Variants in HMGCLL1 observed in about 807,000 individuals in gnomAD.
The protein encoded by HMGCLL1 is 3-hydroxy-3-methylglutaryl-CoA lyase like 1.
Under a neutral mutation model 39.1 loss-of-function variants are expected in HMGCLL1, and 36 were observed. That is an observed-to-expected ratio of 0.92 (90% CI 0.71 to 1.22). HMGCLL1 has a LOEUF of 1.22. Ranked by LOEUF, HMGCLL1 falls within the 50% of genes most tolerant of loss-of-function variation. The pLI, the probability that HMGCLL1 is intolerant of heterozygous loss-of-function variation, is 0.00. For synonymous variants in HMGCLL1, 149 were observed against 144.0 expected, an observed-to-expected ratio of 1.03 and a Z score of -0.25; for missense variants, 451 against 416.5, an observed-to-expected ratio of 1.08 and a Z score of -0.72.
the HMGCLL1 span, among the ~76,000 whole-genome samples, chr6:55,663,274 T>C: frequency 1.3e-5 from 2 of 150,136 alleles, no homozygotes; most frequent in African/African-American, 2.4e-5. Context: ...AGTTGCAATG[T>C]TAGGTTGTTG....
the HMGCLL1 span, among the ~76,000 whole-genome samples, chr6:55,649,890 G>A: frequency 3.3e-5 from 5 of 150,694 alleles, no homozygotes; most frequent in Non-Finnish European, 7.4e-5. Context: ...GAATTTTTCA[G>A]CCTGTCAGTT....
chr6:55,615,290 T>A, the HMGCLL1 span, among the ~76,000 whole-genome samples: 1 of 151,326 alleles, frequency 6.6e-6, no homozygotes, highest in Non-Finnish European at 1.5e-5. Flanking sequence ...AGAAAGGAAA[T>A]GATAGCAACA....
At chr6:55,557,972 A>T (rs1770758810) in intron 1 of HMGCLL1, among the ~76,000 whole-genome samples, 1 of 152,176 alleles carries the variant, frequency 6.6e-6, no homozygotes, top group African/African-American at 2.4e-5. Flanking sequence ...TCTGTCAAAA[A>T]TACTGGTGCC....
intron 7 of HMGCLL1, among the ~76,000 whole-genome samples, chr6:55,488,251 A>G (rs1163014872): frequency 6.6e-6 from 1 of 152,104 alleles, no homozygotes; most frequent in African/African-American, 2.4e-5. Context: ...CTTAACCTGA[A>G]AAGTCTTTAG....
the HMGCLL1 span, among the ~76,000 whole-genome samples, chr6:55,662,706 G>A: frequency 6.6e-5 from 10 of 151,838 alleles, no homozygotes; most frequent in South Asian, 6.2e-4. Context: ...GAATGAGTTA[G>A]GGAGGAGTCC....
chr6:55,534,440 C>T (rs145532971), intron 3 of HMGCLL1, among the ~76,000 whole-genome samples: 5 of 152,250 alleles, frequency 3.3e-5, no homozygotes, highest in African/African-American at 9.6e-5. Flanking sequence ...ATTTACAAGG[C>T]TTGGTTATAA....
chr6:55,510,162 C>T (rs116735087), intron 5 of HMGCLL1, among the ~76,000 whole-genome samples: 16 of 151,894 alleles, frequency 1.1e-4, no homozygotes, highest in Non-Finnish European at 2.2e-4. Context: ...GTTAAATATA[C>T]TCTTCTTTGA....
At chr6:55,580,406 CTTTTTTTTT>C (rs145371462), upstream of HMGCLL1, among the ~76,000 whole-genome samples, 30 of 73,274 alleles carry the variant, frequency 4.1e-4, no homozygotes, top group Admixed American at 5.2e-3. Context: ...TTTTTTCTTT[CTTTTTTTTT>C]TTTTTTTTTT....
chr6:55,652,435 G>A, the HMGCLL1 span, among the ~76,000 whole-genome samples: 5 of 151,924 alleles, frequency 3.3e-5, no homozygotes, highest in East Asian at 1.9e-4. Flanking sequence ...ATAAAATTTA[G>A]ACACTTTAGT....
chr6:55,638,279 C>G, the HMGCLL1 span, among the ~76,000 whole-genome samples: 46 of 151,528 alleles, frequency 3.0e-4, no homozygotes, highest in Non-Finnish European at 5.7e-4. Flanking sequence ...TGGTGGCGGG[C>G]GCTTGTAATC....
At chr6:55,457,009 AG>A (rs1000664107) in intron 7 of HMGCLL1, among the ~76,000 whole-genome samples, 1 of 152,198 alleles carries the variant, frequency 6.6e-6, no homozygotes, top group Non-Finnish European at 1.5e-5. Context: ...ACCCTATTCT[AG>A]GTCCTGCTAA....
the HMGCLL1 span, among the ~76,000 whole-genome samples, chr6:55,624,581 G>T: frequency 6.6e-6 from 1 of 152,098 alleles, no homozygotes. Flanking sequence ...ATATCACATT[G>T]GTCCATTCCA....
At chr6:55,597,008 A>G in the HMGCLL1 span, among the ~76,000 whole-genome samples, 1 of 150,442 alleles carries the variant, frequency 6.6e-6, no homozygotes, top group South Asian at 2.1e-4. Flanking sequence ...CGTTATATAT[A>G]AAAAGTAAAA....
In HMGCLL1 at chr6:55,543,461, CATATATATCATATATAATATATATATGAT is replaced by C. The variant is rs1561951554; in HGVS notation, c.109-1350_109-1322del. 2.7e-3 allele frequency among the ~76,000 whole-genome samples: 250 copies of C among 91,112 alleles called. 5 individuals carry two copies. Among genetic ancestry groups the C allele is most frequent in the African/African-American group, 0.011 (239 of 20,946 alleles). 59.8% of individuals were successfully genotyped at this position (91,112 alleles called of 152,430 possible). A position where few individuals can be genotyped will look rare whatever the true frequency, so the allele number is the denominator to read the frequency against. On this transcript the variant is annotated intron_variant, in intron 1 of 8. Coordinates refer to ENST00000274901, the MANE Select transcript of HMGCLL1 (RefSeq NM_001042406.2). ...CATATATGATATATATGATATATAT[CATATATATCATATATAATATATATATGAT>C]ATATATCATATATATCATATATAAT...
chr6:55,616,069 G>T, the HMGCLL1 span, among the ~76,000 whole-genome samples: 1 of 151,994 alleles, frequency 6.6e-6, no homozygotes. Flanking sequence ...CAACAGCCGG[G>T]AGCCATTCTG....
At chr6:55,614,727 G>A in the HMGCLL1 span, among the ~76,000 whole-genome samples, 1 of 152,006 alleles carries the variant, frequency 6.6e-6, no homozygotes. Flanking sequence ...AACTTTTATA[G>A]GTTACTTAGT....
chr6:55,579,212 A>G, upstream of HMGCLL1: 2 of 627,476 alleles, frequency 3.2e-6, no homozygotes, highest in Non-Finnish European at 2.8e-6. Context: ...CGGCGCCGAG[A>G]GGGCGGGGAG....
rs1767752394 is a variant in HMGCLL1, at chr6:55,516,590, G to C, written c.311C>G (p.Thr104Ser). The C allele has an allele frequency of 6.3e-7, 1 of 1,592,930 alleles. No individual in the cohort carries two copies. The highest frequency in any genetic ancestry group is 1.7e-5 in the Admixed American group (1 of 59,818). Residue 104 changes from threonine to serine, a missense_variant, in exon 4 of 9, where the codon ACT becomes AGT. Thr to Ser is a moderately conservative substitution (Grantham distance 58, BLOSUM62 1). Transcript: ENST00000274901. ...TTGATGAATGCCTTTCATTACTTCA[G>C]TGTGATCAGCCATCTTAAATACATA... ...SRWVPQMADHTEVMKGIHQYP... is the reference protein window; with the variant it reads ...SRWVPQMADHSEVMKGIHQYP...
At chr6:55,563,769 A>C (rs1771079773) in intron 1 of HMGCLL1, 2 of 709,340 alleles carry the variant, frequency 2.8e-6, no homozygotes, top group Non-Finnish European at 4.2e-6. Context: ...ATCATATTTT[A>C]TTCTCCTTTC....
Sources: gnomAD v4.1 joint callset for allele counts (sites outside exome capture counted in the v4.1 genomes callset) on GRCh38, gnomAD v4.1.1 for gene constraint, MANE v1.5 for transcripts, NCBI Gene and HGNC (gene_info 2026-07-23, HGNC 2026-07-21) for gene names.